The following NLGN1 variants were observed in gnomAD, a reference collection of about 807,000 sequenced individuals.
The protein encoded by NLGN1 is neuroligin 1.
In NLGN1, 12 loss-of-function variants were observed where a neutral mutation model predicts 65.5. The observed-to-expected ratio is 0.18, with a 90% confidence interval of 0.12 to 0.30. The LOEUF (loss-of-function observed/expected upper bound fraction) is 0.30, where lower values mean the gene tolerates loss of function less well. Among genes scored for constraint, NLGN1 ranks in the 10% least tolerant of loss-of-function variants. The probability of loss-of-function intolerance (pLI) is 1.00; values close to 1 mark genes in which losing one functional copy is unlikely to be tolerated. For missense variants in NLGN1, 750 were observed against 1,007.1 expected (o/e 0.74, Z 3.46); for synonymous variants, 350 against 359.5 (o/e 0.97, Z 0.30).
chr3:173,999,247 G>T (rs1722834289), intron 4 of NLGN1, among the ~76,000 whole-genome samples: 1 of 152,026 alleles, frequency 6.6e-6, no homozygotes, highest in Non-Finnish European at 1.5e-5. Flanking sequence ...ATAATAGAAG[G>T]TCTTCTTGGT....
At chr3:173,668,920 G>C (rs911956024) in intron 3 of NLGN1, among the ~76,000 whole-genome samples, 1 of 152,012 alleles carries the variant, frequency 6.6e-6, no homozygotes, top group African/African-American at 2.4e-5. Context: ...CACTGCACCA[G>C]GCCAGTTTCT....
intron 4 of NLGN1, among the ~76,000 whole-genome samples, chr3:173,893,131 G>A (rs76267409): frequency 0.011 from 1,718 of 152,138 alleles, 37 homozygotes; most frequent in African/African-American, 0.036. Flanking sequence ...CTCAAACCCA[G>A]CATATCTCAA....
At chr3:173,403,865 G>A (rs1443565752) in intron 1 of NLGN1, among the ~76,000 whole-genome samples, 2 of 151,946 alleles carry the variant, frequency 1.3e-5, no homozygotes, top group Non-Finnish European at 2.9e-5. Flanking sequence ...GTGCCATCGC[G>A]CATCACTCAA....
intron 2 of NLGN1, among the ~76,000 whole-genome samples, chr3:173,590,323 C>T (rs1748256916): frequency 6.6e-6 from 1 of 152,042 alleles, no homozygotes; most frequent in Admixed American, 6.6e-5. Context: ...AAAAAGTCAC[C>T]AGTTTCATTA....
chr3:173,614,161 T>C (rs752753394), intron 3 of NLGN1, among the ~76,000 whole-genome samples: 50 of 152,002 alleles, frequency 3.3e-4, no homozygotes, highest in Middle Eastern at 3.2e-3. Context: ...AGAGTCTTCT[T>C]TCTGAGTTCC....
chr3:173,810,192 T>C (rs551018099), intron 4 of NLGN1, among the ~76,000 whole-genome samples: 1 of 152,282 alleles, frequency 6.6e-6, no homozygotes, highest in South Asian at 2.1e-4. Context: ...AAAGAAATTA[T>C]CAGAACATTT....
chr3:174,174,188 G>A (rs960406987), intron 4 of NLGN1, among the ~76,000 whole-genome samples: 7 of 151,880 alleles, frequency 4.6e-5, no homozygotes, highest in Non-Finnish European at 1.0e-4. Flanking sequence ...GTAATCCATT[G>A]TATATATATA....
intron 2 of NLGN1, among the ~76,000 whole-genome samples, chr3:173,449,400 T>C (rs1360991603): frequency 6.6e-6 from 1 of 152,194 alleles, no homozygotes; most frequent in African/African-American, 2.4e-5. Context: ...TCCTGAGTTC[T>C]AGTTTGATTG....
chr3:174,014,761 C>T (rs144128697), intron 4 of NLGN1, among the ~76,000 whole-genome samples: 1 of 152,202 alleles, frequency 6.6e-6, no homozygotes, highest in East Asian at 1.9e-4. Flanking sequence ...TCTTTCTGAC[C>T]TTCTGTTTGC....
At chr3:173,720,650 A>G (rs1442611031) in intron 3 of NLGN1, among the ~76,000 whole-genome samples, 1 of 152,314 alleles carries the variant, frequency 6.6e-6, no homozygotes, top group East Asian at 1.9e-4. Flanking sequence ...TAAACATTTT[A>G]TTTGTATTGC....
intron 4 of NLGN1, among the ~76,000 whole-genome samples, chr3:173,812,907 T>TA (rs1718264472): frequency 6.7e-6 from 1 of 149,780 alleles, no homozygotes; most frequent in African/African-American, 2.4e-5. Flanking sequence ...GTATAGTTTT[T>TA]ATCTTTAAAA....
At chr3:173,561,211 C>T (rs1199386928) in intron 2 of NLGN1, among the ~76,000 whole-genome samples, 1 of 152,200 alleles carries the variant, frequency 6.6e-6, no homozygotes, top group African/African-American at 2.4e-5. Flanking sequence ...TGACTGCTCT[C>T]TAGAAAGGCT....
intron 4 of NLGN1, among the ~76,000 whole-genome samples, chr3:174,177,837 C>T (rs1370316788): frequency 2.6e-5 from 4 of 151,928 alleles, no homozygotes; most frequent in African/African-American, 7.2e-5. Context: ...TTGATTTATT[C>T]TTCATGTTGG....
At chr3:173,673,866 A>G (rs184545509) in intron 3 of NLGN1, among the ~76,000 whole-genome samples, 2 of 152,272 alleles carry the variant, frequency 1.3e-5, no homozygotes, top group East Asian at 1.9e-4. Context: ...ACACTCCACA[A>G]TGTGTGAGTG....
At chr3:173,615,028 T>C (rs1752849586) in intron 3 of NLGN1, among the ~76,000 whole-genome samples, 1 of 152,154 alleles carries the variant, frequency 6.6e-6, no homozygotes, top group African/African-American at 2.4e-5. Context: ...AGAGATGAGT[T>C]GTTTTTTTTT....
intron 4 of NLGN1, among the ~76,000 whole-genome samples, chr3:174,219,527 C>T (rs556944850): frequency 9.2e-5 from 14 of 152,242 alleles, no homozygotes; most frequent in Non-Finnish European, 1.8e-4. Flanking sequence ...GCCTAGAACT[C>T]TGAGATATTA....
chr3:173,571,859 G>A (rs930351401), intron 2 of NLGN1, among the ~76,000 whole-genome samples: 6 of 152,060 alleles, frequency 3.9e-5, no homozygotes, highest in Non-Finnish European at 8.8e-5. Flanking sequence ...GCAAAACTTA[G>A]GTATGTGTTA....
At chr3:173,540,388 A>G (rs1461447733) in intron 2 of NLGN1, among the ~76,000 whole-genome samples, 1 of 152,170 alleles carries the variant, frequency 6.6e-6, no homozygotes, top group African/African-American at 2.4e-5. Flanking sequence ...GGCCAGAGTA[A>G]CACATCCAAA....
At chr3:173,413,941 T>G (rs1046031464) in intron 1 of NLGN1, among the ~76,000 whole-genome samples, 1 of 152,136 alleles carries the variant, frequency 6.6e-6, no homozygotes, top group African/African-American at 2.4e-5. Flanking sequence ...TGATGTGAGC[T>G]TTGTATGTAC....
Sources: gnomAD v4.1 joint callset for allele counts (sites outside exome capture counted in the v4.1 genomes callset) on GRCh38, gnomAD v4.1.1 for gene constraint, MANE v1.5 for transcripts, NCBI Gene and HGNC (gene_info 2026-07-23, HGNC 2026-07-21) for gene names.